The following BTBD9 variants were observed in gnomAD, a reference collection of about 807,000 sequenced individuals.
The protein encoded by BTBD9 is BTB/POZ domain-containing protein 9.
A neutral mutation model predicts 64.3 loss-of-function variants in BTBD9; 49 were observed. That is an observed-to-expected ratio of 0.76 (90% CI 0.61 to 0.97). BTBD9 has a LOEUF of 0.97. BTBD9 is among the 50% of genes least tolerant of loss of function. BTBD9 has a pLI of 0.00. For synonymous variants in BTBD9, 260 were observed against 274.7 expected (o/e 0.95, Z 0.53); for missense variants, 598 against 762.1 (o/e 0.78, Z 2.53).
chr6:38,596,198 A>C, intron 2 of BTBD9: 2 of 332,326 alleles, frequency 6.0e-6, no homozygotes, highest in Non-Finnish European at 8.6e-6. Flanking sequence ...TCTAAGGTAG[A>C]CTTAGAGGTA....
intron 9 of BTBD9, among the ~76,000 whole-genome samples, chr6:38,196,407 A>C (rs779358064): frequency 1.3e-5 from 2 of 152,226 alleles, no homozygotes; most frequent in Non-Finnish European, 2.9e-5. Flanking sequence ...TGTTATTACC[A>C]CTATAATTAC....
At chr6:38,546,756 C>T (rs1015013528) in intron 6 of BTBD9, among the ~76,000 whole-genome samples, 1 of 152,246 alleles carries the variant, frequency 6.6e-6, no homozygotes, top group African/African-American at 2.4e-5. Context: ...GCAACCTCCA[C>T]CTCCCAGGTT....
chr6:38,615,653 C>G (rs545598879), intron 1 of BTBD9, among the ~76,000 whole-genome samples: 1 of 152,332 alleles, frequency 6.6e-6, no homozygotes, highest in Admixed American at 6.5e-5. Context: ...CCTACTACCC[C>G]CTTCACTCCC....
intron 10 of BTBD9, among the ~76,000 whole-genome samples, chr6:38,188,212 C>T (rs1224343553): frequency 6.6e-6 from 1 of 152,254 alleles, no homozygotes. Context: ...TCCATGGTCC[C>T]TGTTGCAGAG....
At chr6:38,258,434 T>C (rs187888125) in intron 8 of BTBD9, among the ~76,000 whole-genome samples, 4 of 152,378 alleles carry the variant, frequency 2.6e-5, no homozygotes, top group Non-Finnish European at 4.4e-5. Flanking sequence ...TACTGCTTTA[T>C]AGTTGGTCAT....
intron 2 of BTBD9, chr6:38,595,826 G>A (rs1056362906): frequency 2.0e-6 from 2 of 985,204 alleles, no homozygotes; most frequent in East Asian, 2.3e-4. Flanking sequence ...CATTAATCCA[G>A]AGAGCATCCA....
At chr6:38,440,207 T>C (rs1025455279) in intron 6 of BTBD9, among the ~76,000 whole-genome samples, 3 of 152,112 alleles carry the variant, frequency 2.0e-5, no homozygotes, top group African/African-American at 7.2e-5. Flanking sequence ...CATGCTTATG[T>C]ATAGAAAAGA....
intron 6 of BTBD9, among the ~76,000 whole-genome samples, chr6:38,403,546 T>C (rs745774626): frequency 1.3e-5 from 2 of 152,184 alleles, no homozygotes; most frequent in Non-Finnish European, 2.9e-5. Context: ...CCCACAAGGA[T>C]GGCTATAATC....
chr6:38,455,323 T>C (rs921443442), intron 6 of BTBD9, among the ~76,000 whole-genome samples: 1 of 152,174 alleles, frequency 6.6e-6, no homozygotes. Flanking sequence ...CTGCTTTCCA[T>C]TGCTATCATT....
chr6:38,562,055 A>AT (rs1270135248), intron 6 of BTBD9, among the ~76,000 whole-genome samples: 1 of 152,180 alleles, frequency 6.6e-6, no homozygotes, highest in East Asian at 1.9e-4. Flanking sequence ...AACAAATTGT[A>AT]TTTTTCTTAA....
At chr6:38,573,747 T>G (rs1289397980) in intron 6 of BTBD9, among the ~76,000 whole-genome samples, 1 of 152,154 alleles carries the variant, frequency 6.6e-6, no homozygotes, top group Non-Finnish European at 1.5e-5. Context: ...TCAGCAATAT[T>G]ATATGGCTGC....
At chr6:38,202,390 C>A (rs1762497167) in intron 9 of BTBD9, among the ~76,000 whole-genome samples, 1 of 151,490 alleles carries the variant, frequency 6.6e-6, no homozygotes, top group South Asian at 2.1e-4. Context: ...CCAAAAATGT[C>A]ATTTTTTACA....
At chr6:38,475,071 T>C (rs1296229665) in intron 6 of BTBD9, among the ~76,000 whole-genome samples, 3 of 152,138 alleles carry the variant, frequency 2.0e-5, no homozygotes, top group Admixed American at 6.5e-5. Flanking sequence ...GAACATTTAA[T>C]AATGTAGGGA....
intron 6 of BTBD9, among the ~76,000 whole-genome samples, chr6:38,486,077 A>G (rs1771392585): frequency 6.6e-6 from 1 of 152,176 alleles, no homozygotes; most frequent in South Asian, 2.1e-4. Context: ...AACCTCTGCT[A>G]GCTCCAAGAT....
chr6:38,465,757 G>A (rs10428787), intron 6 of BTBD9, among the ~76,000 whole-genome samples: 1,005 of 24,826 alleles, frequency 0.04, 12 homozygotes, highest in East Asian at 0.36. Context: ...ATATATATAT[G>A]TATGTATGTA....
At chr6:38,285,068 C>A (rs1761678840) in intron 8 of BTBD9, among the ~76,000 whole-genome samples, 1 of 152,066 alleles carries the variant, frequency 6.6e-6, no homozygotes, top group Admixed American at 6.5e-5. Context: ...CTCTTAAATG[C>A]CTTAGTCTGA....
intron 6 of BTBD9, chr6:38,482,660 G>A (rs1171126284): frequency 2.6e-5 from 4 of 152,138 alleles, no homozygotes; most frequent in Non-Finnish European, 4.4e-5. Context: ...GAGATACAAA[G>A]ATAACTACTC....
At chr6:38,588,195 C>T (rs1256869265) in intron 4 of BTBD9, 14 of 809,610 alleles carry the variant, frequency 1.7e-5, no homozygotes, top group Non-Finnish European at 3.1e-5. Flanking sequence ...ACAACCTCAG[C>T]AGTTCCAAGG....
At chr6:38,561,741 C>A (rs892835295) in intron 6 of BTBD9, among the ~76,000 whole-genome samples, 1 of 152,070 alleles carries the variant, frequency 6.6e-6, no homozygotes, top group Non-Finnish European at 1.5e-5. Context: ...ACAGTGGGTA[C>A]ATATGTAAAT....
Sources: gnomAD v4.1 joint callset for allele counts (sites outside exome capture counted in the v4.1 genomes callset) on GRCh38, gnomAD v4.1.1 for gene constraint, MANE v1.5 for transcripts, NCBI Gene and HGNC (gene_info 2026-07-23, HGNC 2026-07-21) for gene names.